Variants in KCNH1 observed in about 807,000 individuals in gnomAD.
The protein encoded by KCNH1 is potassium voltage-gated channel subfamily H member 1.
KCNH1 carries 27 observed loss-of-function variants against 69.2 expected under a neutral mutation model. The ratio of observed to expected loss-of-function variants is 0.39; its 90% CI spans 0.29 to 0.54. The LOEUF is 0.54. KCNH1 is among the 20% of genes least tolerant of loss of function. KCNH1 has a pLI of 0.68. For missense variants in KCNH1, 798 were observed against 1,261.6 expected, an observed-to-expected ratio of 0.63 and a Z score of 5.57; for synonymous variants, 456 against 487.7, an observed-to-expected ratio of 0.93 and a Z score of 0.86.
intron 5 of KCNH1, among the ~76,000 whole-genome samples, chr1:211,070,218 A>G (rs1454780020): frequency 6.6e-6 from 1 of 151,686 alleles, no homozygotes; most frequent in African/African-American, 2.4e-5. Flanking sequence ...GGAGATGGAG[A>G]CCATCCTGGC....
chr1:210,844,272 C>A (rs922026590), intron 7 of KCNH1, among the ~76,000 whole-genome samples: 2 of 152,164 alleles, frequency 1.3e-5, no homozygotes, highest in Non-Finnish European at 2.9e-5. Flanking sequence ...CCTGTAATCC[C>A]AGCATTTTGG....
intron 6 of KCNH1, among the ~76,000 whole-genome samples, chr1:210,951,033 T>C (rs779041944): frequency 2.6e-5 from 4 of 152,142 alleles, no homozygotes; most frequent in African/African-American, 9.7e-5. Context: ...CATTAAAAGG[T>C]TAAATGGGTA....
At chr1:210,829,443 A>G (rs1453273926) in intron 7 of KCNH1, among the ~76,000 whole-genome samples, 1 of 152,086 alleles carries the variant, frequency 6.6e-6, no homozygotes, top group African/African-American at 2.4e-5. Context: ...TCTATTATCA[A>G]CAGAGCAGCC....
At chr1:210,918,157 A>G (rs1687386008) in intron 7 of KCNH1, among the ~76,000 whole-genome samples, 1 of 152,188 alleles carries the variant, frequency 6.6e-6, no homozygotes, top group Admixed American at 6.5e-5. Context: ...CAAGCAGCAA[A>G]TGTGACAATT....
chr1:210,868,290 T>G (rs985297009), intron 7 of KCNH1, among the ~76,000 whole-genome samples: 1 of 152,018 alleles, frequency 6.6e-6, no homozygotes, highest in Admixed American at 6.6e-5. Context: ...TTTAAAAAAT[T>G]TATTTTTAAT....
chr1:210,751,190 A>G (rs958675956), intron 10 of KCNH1, among the ~76,000 whole-genome samples: 5 of 152,130 alleles, frequency 3.3e-5, no homozygotes, highest in African/African-American at 1.2e-4. Context: ...GGTCATCTAC[A>G]TAGACTGAGT....
intron 6 of KCNH1, among the ~76,000 whole-genome samples, chr1:210,963,662 C>T (rs975577363): frequency 2.0e-5 from 3 of 151,504 alleles, no homozygotes; most frequent in African/African-American, 4.9e-5. Flanking sequence ...TATCAATAGC[C>T]GAATTGATCA....
At chr1:210,866,861 A>T (rs1418443274) in intron 7 of KCNH1, among the ~76,000 whole-genome samples, 1 of 152,160 alleles carries the variant, frequency 6.6e-6, no homozygotes, top group Non-Finnish European at 1.5e-5. Flanking sequence ...AAAACAGCCC[A>T]TATACCCATC....
intron 10 of KCNH1, among the ~76,000 whole-genome samples, chr1:210,757,851 C>T (rs2102346578): frequency 6.6e-6 from 1 of 152,356 alleles, no homozygotes; most frequent in East Asian, 1.9e-4. Context: ...TGTGGGGGCT[C>T]CATAAAGCCT....
chr1:210,909,661 T>C (rs910836835), intron 7 of KCNH1, among the ~76,000 whole-genome samples: 5 of 152,226 alleles, frequency 3.3e-5, no homozygotes, highest in Admixed American at 3.3e-4. Flanking sequence ...TGCTATACAA[T>C]TTCAAAAATG....
At chr1:210,788,358 T>C (rs938414027) in intron 9 of KCNH1, among the ~76,000 whole-genome samples, 7 of 152,366 alleles carry the variant, frequency 4.6e-5, no homozygotes, top group Admixed American at 2.0e-4. Flanking sequence ...AAGTTATATT[T>C]GAAACATTTT....
rs769677171 is a variant in KCNH1 at position 210,684,093 on chromosome 1, G to A, written c.2158C>T (p.Arg720Cys). Residue 720 changes from arginine to cysteine, a missense_variant, in exon 11 of 11, where the codon CGC becomes TGC. By Grantham distance (180) the Arg-to-Cys change is radical (BLOSUM62 -3). This residue lies in a region of KCNH1 where 331 missense variants were observed against 363.2 expected (regional missense o/e 0.91). Coordinates refer to ENST00000271751, the MANE Select transcript of KCNH1 (RefSeq NM_172362.3). ...ISDVKREEEE[R>C]MKRKNEAPLI... ...GGGGCCTCATTCTTTCGTTTCATGC[G>A]TTCTTCCTCTTCACGTTTCACATCG... The A allele has an allele frequency of 3.3e-5, 50 of 1,515,082 alleles. No individual in the cohort carries two copies. Among genetic ancestry groups the A allele is most frequent in the Middle Eastern group, 1.8e-4 (1 of 5,610 alleles). 93.9% of individuals were successfully genotyped at this position (1,515,082 alleles called of 1,614,324 possible).
chr1:211,034,990 T>G (rs1689868016), intron 5 of KCNH1, among the ~76,000 whole-genome samples: 1 of 152,188 alleles, frequency 6.6e-6, no homozygotes, highest in Non-Finnish European at 1.5e-5. Flanking sequence ...CCATTCTGAT[T>G]CTTTCTAGGA....
chr1:210,724,047 A>G (rs1381625443), intron 10 of KCNH1, among the ~76,000 whole-genome samples: 1 of 152,238 alleles, frequency 6.6e-6, no homozygotes, highest in Non-Finnish European at 1.5e-5. Flanking sequence ...TCCTGTATTT[A>G]GAAATGTGAC....
At chr1:210,846,678 T>G (rs1685556213) in intron 7 of KCNH1, among the ~76,000 whole-genome samples, 1 of 152,186 alleles carries the variant, frequency 6.6e-6, no homozygotes, top group Non-Finnish European at 1.5e-5. Context: ...GGGCAAGGAC[T>G]TCATGTCTAA....
chr1:210,785,714 C>T (rs1045382891), intron 9 of KCNH1, among the ~76,000 whole-genome samples: 3 of 152,078 alleles, frequency 2.0e-5, no homozygotes, highest in Admixed American at 6.6e-5. Context: ...GTGGTTTCAG[C>T]TGCATCATGT....
chr1:210,817,795 C>G lies in KCNH1; in HGVS notation c.1463-13629G>C, dbSNP rs558066254. ...AGCATACATAGAGCTAGATTCAAAC[C>G]TAGGAAGTTTGGATACAAAATCTAT... On this transcript the variant is annotated intron_variant, in intron 7 of 10. Coordinates refer to ENST00000271751, the MANE Select transcript of KCNH1 (RefSeq NM_172362.3). Among the ~76,000 whole-genome samples the G allele has an allele frequency of 9.9e-5, 15 of 152,242 alleles. No individual in the cohort carries two copies. The East Asian group carries it at 2.9e-3, about 29-fold the overall frequency.
intron 5 of KCNH1, among the ~76,000 whole-genome samples, chr1:211,052,808 C>G (rs1429579211): frequency 6.6e-6 from 1 of 152,220 alleles, no homozygotes; most frequent in Non-Finnish European, 1.5e-5. Context: ...TATAGCAAGC[C>G]TGACTGTGCA....
chr1:210,999,569 A>G (rs547292625), intron 6 of KCNH1, among the ~76,000 whole-genome samples: 17 of 152,322 alleles, frequency 1.1e-4, no homozygotes, highest in African/African-American at 3.1e-4. Context: ...GTTCACAGCC[A>G]AATTCTACCA....
Sources: allele counts gnomAD v4.1 joint callset (sites outside exome capture counted in the v4.1 genomes callset), GRCh38; gene constraint gnomAD v4.1.1; regional missense constraint gnomAD v4.1.1; transcripts MANE v1.5; gene names NCBI Gene and HGNC (gene_info 2026-07-23, HGNC 2026-07-21).